TRIM69: variants seen among roughly 807,000 people sequenced by gnomAD.
TRIM69 encodes the protein E3 ubiquitin-protein ligase TRIM69.
TRIM69 carries 29 observed loss-of-function variants against 37.7 expected under a neutral mutation model. The observed-to-expected ratio is 0.77, with a 90% CI of 0.57 to 1.05. TRIM69 has a LOEUF of 1.05. Ranked by LOEUF, TRIM69 falls within the 50% of genes least tolerant of loss-of-function variation. TRIM69 has a pLI of 0.00. For synonymous variants in TRIM69, 209 were observed against 212.4 expected (o/e 0.98, Z 0.14); for missense variants, 596 against 579.9 (o/e 1.03, Z -0.28).
At chr15:44,758,119 A>C in intron 3 of TRIM69, 1 of 158,764 alleles carries the variant, frequency 6.3e-6, no homozygotes, top group Non-Finnish European at 1.4e-5. Flanking sequence ...AGAATGAGGA[A>C]CTGAGAAGCC....
In TRIM69 at chr15:44,755,032, T is replaced by A; in HGVS notation, c.139T>A (p.Trp47Arg). The A allele has an allele frequency of 6.2e-7, 1 of 1,614,234 alleles. No individual in the cohort carries two copies. The highest frequency in any genetic ancestry group is 1.6e-4 in the Middle Eastern group (1 of 6,062). Residue 47 changes from tryptophan to arginine, a missense_variant, in exon 2 of 7, where the codon TGG becomes AGG. Physicochemically the swap from Trp to Arg is moderately radical, Grantham distance 101. Transcript: ENST00000329464. ...GCTACACTGCCCTCTGTGCAATGAT[T>A]GGTTCCGAGACCCACTGATGCTAAG... is the stretch of plus-strand genomic sequence containing the variant. ...MELHCPLCND[W>R]FRDPLMLSCG...
chr15:44,755,064 C>T lies in TRIM69; in HGVS notation c.171C>T (p.Gly57=). 1 of 1,614,190 alleles carries T rather than the reference C, an allele frequency of 6.2e-7. No homozygotes were observed. Among genetic ancestry groups the T allele is most frequent in the East Asian group, 2.2e-5 (1 of 44,882 alleles). Residue 57 remains glycine (G), a synonymous_variant, in exon 2 of 7, where the codon GGC becomes GGT. Transcript: ENST00000329464. ...WFRDPLMLSC[G]HNFCEACIQD... ...GAGACCCACTGATGCTAAGCTGTGGCCACAACTTCTGTGAAGCCTGTATCC... is the reference window on the plus strand; with the variant it reads ...GAGACCCACTGATGCTAAGCTGTGGTCACAACTTCTGTGAAGCCTGTATCC...
intron 1 of TRIM69, among the ~76,000 whole-genome samples, chr15:44,750,297 T>C (rs1284244933): frequency 1.3e-5 from 2 of 152,180 alleles, no homozygotes; most frequent in African/African-American, 4.8e-5. Flanking sequence ...CCCTCTTGTT[T>C]TTTTGGAAGA....
rs151295126 is a variant in TRIM69 at position 44,737,458 on chromosome 15, A to T, written c.6+748A>T. Among the ~76,000 whole-genome samples, 458 of 152,350 alleles carry T rather than the reference A, an allele frequency of 3.0e-3. 4 individuals carry two copies. The highest frequency in any genetic ancestry group is 0.01 in the African/African-American group (433 of 41,576). On this transcript the variant is annotated intron_variant, in intron 1 of 6. Coordinates refer to ENST00000329464, the MANE Select transcript of TRIM69 (RefSeq NM_182985.5). ...AATTTCTAGGGCAAAAATAAACACT[A>T]TTGCCTAAACCTACTATATTCTTAT...
At chr15:44,761,459 A>G (rs1020304903) in intron 6 of TRIM69, among the ~76,000 whole-genome samples, 7 of 152,132 alleles carry the variant, frequency 4.6e-5, no homozygotes, top group Admixed American at 6.6e-5. Flanking sequence ...TTTAATTTGT[A>G]TATCTCTTGT....
At position 44,759,769 on chromosome 15, in the gene TRIM69, G is replaced by T. The variant is rs534530797; in HGVS notation, c.858G>T (p.Val286=). 99 of 1,614,090 alleles carry T rather than the reference G, an allele frequency of 6.1e-5. No individual in the cohort carries two copies. Among genetic ancestry groups the T allele is most frequent in the Middle Eastern group, 1.6e-4 (1 of 6,084 alleles). Residue 286 remains valine (V), a synonymous_variant, in exon 6 of 7, where the codon GTG becomes GTT. Transcript: ENST00000329464. ...GCAGCTTGGAGCAAGGAATGAAGGTGCTGGCAACCAGAGAGCTTATTTCCA... is the reference window on the plus strand; with the variant it reads ...GCAGCTTGGAGCAAGGAATGAAGGTTCTGGCAACCAGAGAGCTTATTTCCA... ...LLHSLEQGMK[V]LATRELISRK...
At chr15:44,765,737 G>C (rs1032575489) in intron 6 of TRIM69, among the ~76,000 whole-genome samples, 29 of 149,552 alleles carry the variant, frequency 1.9e-4, no homozygotes, top group African/African-American at 7.2e-4. Flanking sequence ...CTGGGGGACA[G>C]AGCAAGAATC....
At position 44,767,268 on chromosome 15, in the gene TRIM69, C is replaced by A; in HGVS notation, c.999C>A (p.His333Gln). Residue 333 changes from histidine to glutamine, a missense_variant, in exon 7 of 7, where the codon CAC (histidine) becomes CAA (glutamine). His to Gln is a conservative substitution (Grantham distance 24). Transcript: ENST00000329464. Reference protein sequence around the residue: ...SPLTLDPKTAHPNLVLSKSQT... With the variant: ...SPLTLDPKTAQPNLVLSKSQT... The stretch of plus-strand genomic sequence containing the variant: ...TAACTCTGGACCCTAAAACAGCTCA[C>A]CCAAATCTGGTGCTCTCCAAAAGCC... The A allele has an allele frequency of 1.9e-6, 3 of 1,613,854 alleles. No individual in the cohort carries two copies. The highest frequency in any genetic ancestry group is 2.5e-6 in the Non-Finnish European group (3 of 1,179,990).
Position 44,736,647 on chromosome 15 carries a change from G to A in TRIM69, c.-58G>A. 1 of 1,606,156 alleles carries A rather than the reference G, an allele frequency of 6.2e-7. No individual in the cohort carries two copies. The highest frequency in any genetic ancestry group is 8.5e-7 in the Non-Finnish European group (1 of 1,176,680). On this transcript the variant is annotated 5_prime_UTR_variant, in exon 1 of 7. Transcript: ENST00000329464. Reference sequence around the variant, plus strand: ...CTGACTCCCAGTCTGCAGCCATCCTGGGCCTGCTGAGCTCTGATTCAAGTG... The same window carrying A: ...CTGACTCCCAGTCTGCAGCCATCCTAGGCCTGCTGAGCTCTGATTCAAGTG...
chr15:44,747,442 A>C (rs1343336494), intron 1 of TRIM69, among the ~76,000 whole-genome samples: 1 of 152,224 alleles, frequency 6.6e-6, no homozygotes, highest in Non-Finnish European at 1.5e-5. Flanking sequence ...TGTTTAAAGA[A>C]ATACAAAATA....
At chr15:44,766,441 C>G (rs2087889246) in intron 6 of TRIM69, among the ~76,000 whole-genome samples, 1 of 152,248 alleles carries the variant, frequency 6.6e-6, no homozygotes, top group African/African-American at 2.4e-5. Context: ...TTGCCTGTGT[C>G]TAACAGGCAA....
rs372211170 is a variant in TRIM69 at position 44,758,794 on chromosome 15, G to T, written c.753G>T (p.Lys251Asn). The T allele has an allele frequency of 1.2e-6, 2 of 1,613,992 alleles. No homozygotes were observed. Among genetic ancestry groups the T allele is most frequent in the African/African-American group, 2.7e-5 (2 of 74,912 alleles). The change falls in exon 4 of 7, where the codon AAG (lysine) becomes AAT (asparagine). Residue 251 changes from lysine to asparagine, a missense_variant. Transcript: ENST00000329464. Reference protein sequence around the residue: ...SQLQEQCLLAKDMLVSIQAKT... With the variant: ...SQLQEQCLLANDMLVSIQAKT... ...TTCAGGAGCAATGTCTCTTAGCCAA[G>T]GATATGTTGGTGAGCATTCAGGCAA...
At chr15:44,739,609 A>G (rs1011532340) in intron 1 of TRIM69, among the ~76,000 whole-genome samples, 13 of 152,226 alleles carry the variant, frequency 8.5e-5, no homozygotes, top group African/African-American at 2.9e-4. Context: ...CCCTACGCCC[A>G]TGGAGTCTCG....
chr15:44,741,164 A>T (rs1426734284), intron 1 of TRIM69, among the ~76,000 whole-genome samples: 1 of 152,068 alleles, frequency 6.6e-6, no homozygotes, highest in Non-Finnish European at 1.5e-5. Flanking sequence ...TAAGAAACTC[A>T]CTCAAAACCG....
intron 3 of TRIM69, chr15:44,758,250 A>G: frequency 4.4e-6 from 1 of 228,940 alleles, no homozygotes; most frequent in South Asian, 7.6e-5. Context: ...CAGCCTCCCA[A>G]TACCCCCAGT....
At chr15:44,739,377 G>T (rs938887488) in intron 1 of TRIM69, among the ~76,000 whole-genome samples, 1 of 152,192 alleles carries the variant, frequency 6.6e-6, no homozygotes, top group African/African-American at 2.4e-5. Flanking sequence ...GACAGTGGGC[G>T]CAGGACAGTG....
intron 1 of TRIM69, 135 bp downstream of exon 1, chr15:44,736,845 G>C: frequency 1.0e-6 from 1 of 965,654 alleles, no homozygotes; most frequent in East Asian, 2.6e-5. Context: ...GTGACAGCTG[G>C]TAGCTACTAT....
chr15:44,745,951 G>C (rs1485364968), intron 1 of TRIM69, among the ~76,000 whole-genome samples: 1 of 151,866 alleles, frequency 6.6e-6, no homozygotes, highest in Non-Finnish European at 1.5e-5. Flanking sequence ...GGAGAGAAGG[G>C]GACAGAAAGA....
intron 1 of TRIM69, among the ~76,000 whole-genome samples, chr15:44,737,077 G>A (rs2087178144): frequency 6.6e-6 from 1 of 152,124 alleles, no homozygotes; most frequent in South Asian, 2.1e-4. Flanking sequence ...TTAAGGCAGA[G>A]TTGATACTTA....
Sources: allele counts gnomAD v4.1 joint callset (sites outside exome capture counted in the v4.1 genomes callset), GRCh38; gene constraint gnomAD v4.1.1; transcripts MANE v1.5; gene names NCBI Gene and HGNC (gene_info 2026-07-23, HGNC 2026-07-21).